Variants in LPAR1 observed in about 807,000 individuals in gnomAD.
LPAR1 encodes the protein LPA receptor 1.
Under a neutral mutation model 23.8 loss-of-function variants are expected in LPAR1, and 5 were observed. That is an observed-to-expected ratio of 0.21 (90% CI 0.11 to 0.44). The LOEUF (loss-of-function observed/expected upper bound fraction) is 0.44, where lower values mean the gene tolerates loss of function less well. Among genes scored for constraint, LPAR1 ranks in the 20% least tolerant of loss-of-function variants. The pLI is 0.99. For missense variants in LPAR1, 311 were observed against 482.8 expected (o/e 0.64, Z 3.33); for synonymous variants, 160 against 164.7 (o/e 0.97, Z 0.22).
chr9:110,935,474 GA>G (rs1295563957), intron 5 of LPAR1, among the ~76,000 whole-genome samples: 1 of 151,666 alleles, frequency 6.6e-6, no homozygotes, highest in Non-Finnish European at 1.5e-5. Flanking sequence ...AGCTGCATTT[GA>G]AAAACTAAAA....
intron 5 of LPAR1, among the ~76,000 whole-genome samples, chr9:110,935,405 C>T (rs973312164): frequency 2.6e-5 from 3 of 117,514 alleles, no homozygotes; most frequent in African/African-American, 7.4e-5. Context: ...TCTGGACCGA[C>T]TCCAGCCTTA....
intron 4 of LPAR1, among the ~76,000 whole-genome samples, chr9:110,968,932 A>G (rs541315639): frequency 3.3e-5 from 5 of 152,296 alleles, no homozygotes; most frequent in African/African-American, 1.2e-4. Context: ...GTAAGGAAAT[A>G]GAGGCACTAA....
chr9:110,934,891 T>TA (rs2094600053), intron 5 of LPAR1, among the ~76,000 whole-genome samples: 1 of 151,772 alleles, frequency 6.6e-6, no homozygotes. Flanking sequence ...AAACTTAATA[T>TA]AAAAACCAAG....
intron 2 of LPAR1, among the ~76,000 whole-genome samples, chr9:111,002,135 T>C (rs1186221211): frequency 6.6e-6 from 1 of 152,190 alleles, no homozygotes; most frequent in African/African-American, 2.4e-5. Context: ...ATCTTCAGAC[T>C]TTCTCCTTGG....
At chr9:110,916,957 G>A (rs542344122) in intron 5 of LPAR1, among the ~76,000 whole-genome samples, 88 of 150,980 alleles carry the variant, frequency 5.8e-4, no homozygotes, top group Admixed American at 1.5e-3. Context: ...AGTGCTGAGT[G>A]TGTATATTGT....
intron 2 of LPAR1, among the ~76,000 whole-genome samples, chr9:111,034,529 T>C (rs931409969): frequency 6.6e-6 from 1 of 152,262 alleles, no homozygotes; most frequent in African/African-American, 2.4e-5. Flanking sequence ...CTAAATTAAA[T>C]TTCTCAAAAG....
At chr9:110,885,378 A>G (rs538552494) in intron 5 of LPAR1, among the ~76,000 whole-genome samples, 1 of 152,312 alleles carries the variant, frequency 6.6e-6, no homozygotes, top group South Asian at 2.1e-4. Flanking sequence ...TTTTCCCTGT[A>G]CCTAAAACAT....
intron 2 of LPAR1, among the ~76,000 whole-genome samples, chr9:110,974,590 A>G (rs1481285780): frequency 6.6e-6 from 1 of 152,132 alleles, no homozygotes; most frequent in African/African-American, 2.4e-5. Context: ...GAGCCTTCCT[A>G]TTTTCTTCTC....
rs71371696 is a variant in LPAR1, at chr9:110,929,698, ATGTGTGTGTGTGTGTG to A, written c.793+11707_793+11722del. Among the ~76,000 whole-genome samples, 497 of 146,138 alleles carry A rather than the reference ATGTGTGTGTGTGTGTG, an allele frequency of 3.4e-3. 2 individuals are homozygous for A. Among genetic ancestry groups the A allele is most frequent in the African/African-American group, 4.8e-3 (187 of 39,338 alleles). On this transcript the variant is annotated intron_variant, in intron 5 of 5. Transcript: ENST00000683809. ...AAAATGCTGTATTTCCCAGCCAATA[ATGTGTGTGTGTGTGTG>A]TGTGTGTGTGTGTGTGTGTGTGTGT...
chr9:110,933,692 A>ATCATT (rs2094528362), intron 5 of LPAR1, among the ~76,000 whole-genome samples: 1 of 152,152 alleles, frequency 6.6e-6, no homozygotes, highest in South Asian at 2.1e-4. Context: ...TATTACCTTT[A>ATCATT]ACGACAAGGA....
chr9:110,943,483 C>T (rs868393129), intron 4 of LPAR1, among the ~76,000 whole-genome samples: 3 of 152,070 alleles, frequency 2.0e-5, no homozygotes, highest in Admixed American at 6.6e-5. Context: ...CTTATCTAGA[C>T]TTTAATAGCT....
intron 2 of LPAR1, among the ~76,000 whole-genome samples, chr9:111,015,394 C>T (rs912040259): frequency 6.6e-6 from 1 of 152,160 alleles, no homozygotes; most frequent in African/African-American, 2.4e-5. Context: ...TTCGTATCTA[C>T]CTTCTTCCCT....
chr9:110,957,740 A>G (rs1238236027), intron 4 of LPAR1, among the ~76,000 whole-genome samples: 1 of 152,196 alleles, frequency 6.6e-6, no homozygotes, highest in Non-Finnish European at 1.5e-5. Context: ...AGCCAAAGCA[A>G]TCAGGCAAGA....
chr9:110,977,842 A>AGGAG (rs1564227972), intron 2 of LPAR1, among the ~76,000 whole-genome samples: 18 of 100,414 alleles, frequency 1.8e-4, no homozygotes, highest in African/African-American at 7.4e-4. Flanking sequence ...GAGGGAAGGA[A>AGGAG]GGAGGGAAGG....
chr9:110,944,682 A>G (rs983950879), intron 4 of LPAR1, among the ~76,000 whole-genome samples: 1 of 152,348 alleles, frequency 6.6e-6, no homozygotes, highest in South Asian at 2.1e-4. Flanking sequence ...AGTATAAATT[A>G]TCTCTTTAAG....
chr9:111,005,279 T>A (rs990571727), intron 2 of LPAR1, among the ~76,000 whole-genome samples: 12 of 151,016 alleles, frequency 7.9e-5, no homozygotes, highest in African/African-American at 2.7e-4. Context: ...TGTTAAGAAT[T>A]GGGAGGGAGG....
chr9:111,001,529 G>A (rs989069988), intron 2 of LPAR1, among the ~76,000 whole-genome samples: 1 of 152,088 alleles, frequency 6.6e-6, no homozygotes. Context: ...TGGTTCTAAG[G>A]CAAAAGGAAA....
chr9:110,877,757 G>A (rs138022758), intron 5 of LPAR1, among the ~76,000 whole-genome samples: 2 of 152,222 alleles, frequency 1.3e-5, no homozygotes, highest in East Asian at 3.9e-4. Context: ...TTCAGAACTT[G>A]ATTAGACACA....
intron 2 of LPAR1, among the ~76,000 whole-genome samples, chr9:111,003,124 AAC>A: frequency 6.6e-6 from 1 of 152,326 alleles, no homozygotes; most frequent in Non-Finnish European, 1.5e-5. Context: ...CTGTAAATTA[AAC>A]AGTTTTATTA....
Sources: allele counts gnomAD v4.1 joint callset (sites outside exome capture counted in the v4.1 genomes callset), GRCh38; gene constraint gnomAD v4.1.1; transcripts MANE v1.5; gene names NCBI Gene and HGNC (gene_info 2026-07-23, HGNC 2026-07-21).